ST3GAL6: variants seen among roughly 807,000 people sequenced by gnomAD.
The protein encoded by ST3GAL6 is ST3 beta-galactoside alpha-2,3-sialyltransferase 6, also known as type 2 lactosamine alpha-2,3-sialyltransferase.
ST3GAL6 carries 31 observed loss-of-function variants against 40.5 expected under a neutral mutation model. The ratio of observed to expected loss-of-function variants is 0.77; its 90% CI spans 0.58 to 1.03. ST3GAL6 has a LOEUF of 1.03. ST3GAL6 is among the 50% of genes least tolerant of loss of function. The probability of loss-of-function intolerance (pLI) is 0.00; values close to 1 mark genes in which losing one functional copy is unlikely to be tolerated. For missense variants in ST3GAL6, 357 were observed against 393.2 expected, an observed-to-expected ratio of 0.91 and a Z score of 0.78; for synonymous variants, 129 against 136.9, an observed-to-expected ratio of 0.94 and a Z score of 0.40.
At chr3:98,736,505 G>T (rs982275889) in intron 1 of ST3GAL6, among the ~76,000 whole-genome samples, 8 of 152,186 alleles carry the variant, frequency 5.3e-5, no homozygotes, top group African/African-American at 1.9e-4. Flanking sequence ...CCTTCCACAG[G>T]TTGTGGAAGC....
chr3:98,782,118 A>T (rs1207055649), intron 5 of ST3GAL6: 1 of 646,442 alleles, frequency 1.5e-6, no homozygotes, highest in Non-Finnish European at 2.8e-6. Context: ...CACAGCAGAG[A>T]GCCTTTGATA....
intron 1 of ST3GAL6, among the ~76,000 whole-genome samples, chr3:98,738,182 T>C (rs1389845153): frequency 1.3e-5 from 2 of 150,400 alleles, no homozygotes; most frequent in Non-Finnish European, 3.0e-5. Flanking sequence ...GTGAGTTTCC[T>C]GAGGCCTCCC....
intron 1 of ST3GAL6, among the ~76,000 whole-genome samples, chr3:98,745,960 TCAGA>T (rs1936510251): frequency 6.6e-6 from 1 of 152,198 alleles, no homozygotes; most frequent in African/African-American, 2.4e-5. Context: ...CTCTCTCGGC[TCAGA>T]CAGTCCTTAC....
chr3:98,774,205 C>G (rs1267954258), intron 5 of ST3GAL6, among the ~76,000 whole-genome samples: 1 of 152,186 alleles, frequency 6.6e-6, no homozygotes, highest in Non-Finnish European at 1.5e-5. Flanking sequence ...TGATGATGAT[C>G]AACACTGGTC....
chr3:98,791,704 TATA>T, intron 8 of ST3GAL6, 134 bp from the exon 9 acceptor site: 2 of 760,000 alleles, frequency 2.6e-6, no homozygotes, highest in Non-Finnish European at 4.3e-6. Flanking sequence ...GCTTGAGCCT[TATA>T]ATGAGAGTTT....
intron 5 of ST3GAL6, among the ~76,000 whole-genome samples, chr3:98,776,434 A>C (rs1176102251): frequency 6.6e-6 from 1 of 152,178 alleles, no homozygotes; most frequent in Non-Finnish European, 1.5e-5. Context: ...GAGAATTTAG[A>C]CTGCCTTTGG....
upstream of ST3GAL6, among the ~76,000 whole-genome samples, chr3:98,761,933 AG>A (rs928241313): frequency 3.3e-5 from 5 of 152,240 alleles, no homozygotes; most frequent in African/African-American, 1.2e-4. Context: ...GTGCTATTAA[AG>A]AAGAAAATTC....
rs1343181506 is a variant in ST3GAL6, at chr3:98,788,359, A to G, written c.652A>G (p.Asn218Asp). 6.2e-7 allele frequency: 1 copy of G among 1,613,282 alleles called. No individual in the cohort carries two copies. Among genetic ancestry groups the G allele is most frequent in the Non-Finnish European group, 8.5e-7 (1 of 1,179,718 alleles). Residue 218 changes from asparagine to aspartate, a missense_variant, in exon 8 of 10, where the codon AAC becomes GAC. Asn to Asp is a conservative substitution (Grantham distance 23). Transcript: ENST00000483910. ...TNGFWKKPALNLIYKPYQIRI... is the reference protein window; with the variant it reads ...TNGFWKKPALDLIYKPYQIRI... ...TGGTTTTTGGAAGAAACCAGCCTTA[A>G]ACCTGATTTATAAACCTTATCAAAT...
At chr3:98,755,811 T>A (rs75144171) in intron 1 of ST3GAL6, among the ~76,000 whole-genome samples, 2,979 of 94,658 alleles carry the variant, frequency 0.031, 98 homozygotes, top group African/African-American at 0.1. Context: ...ATTTTTTTCA[T>A]TTTTTTTTTT....
chr3:98,792,098 G>A (rs1186232873), intron 9 of ST3GAL6, 105 bp downstream of exon 9: 9 of 1,130,670 alleles, frequency 8.0e-6, no homozygotes, highest in African/African-American at 1.6e-5. Context: ...GAGGGACCAC[G>A]TTTTGAAGGG....
upstream of ST3GAL6, among the ~76,000 whole-genome samples, chr3:98,759,124 T>A (rs1186899283): frequency 6.6e-6 from 1 of 152,182 alleles, no homozygotes; most frequent in African/African-American, 2.4e-5. Context: ...CCAGGCAAAG[T>A]GACAAGATGA....
intron 3 of ST3GAL6, among the ~76,000 whole-genome samples, chr3:98,771,747 A>G (rs976302588): frequency 7.9e-5 from 12 of 152,296 alleles, no homozygotes; most frequent in Non-Finnish European, 1.8e-4. Context: ...ACTTTTTCGT[A>G]TATGATTCCA....
intron 5 of ST3GAL6, chr3:98,783,647 T>A: frequency 8.1e-6 from 8 of 985,356 alleles, no homozygotes; most frequent in Non-Finnish European, 9.6e-6. Flanking sequence ...TGACATGAGA[T>A]GTGTCCACAA....
At chr3:98,771,489 C>T (rs1232504169) in intron 3 of ST3GAL6, among the ~76,000 whole-genome samples, 1 of 152,168 alleles carries the variant, frequency 6.6e-6, no homozygotes. Context: ...TTTCCTCCAT[C>T]ACTTTGACTT....
intron 1 of ST3GAL6, among the ~76,000 whole-genome samples, chr3:98,745,268 A>T (rs1245210243): frequency 6.6e-6 from 1 of 152,148 alleles, no homozygotes; most frequent in African/African-American, 2.4e-5. Flanking sequence ...TCCTGACCTC[A>T]GGTGATCCAC....
Position 98,795,586 on chromosome 3 carries a change from C to T in ST3GAL6, c.*1825C>T, listed in dbSNP as rs1033294368. The T allele has an allele frequency of 2.0e-5, 3 of 152,060 alleles. No homozygotes were observed. Among genetic ancestry groups the T allele is most frequent in the Non-Finnish European group, 4.4e-5 (3 of 68,028 alleles). The allele number at this position is 152,060 out of a possible 1,614,324, so 9.4% of individuals were successfully genotyped here. A position where few individuals can be genotyped will look rare whatever the true frequency, so the allele number is the denominator to read the frequency against. Reference sequence around the variant, plus strand: ...GAAGTTCAATTGATATAAAGTAAATCAGGCTTCAAAAAGAATGGTGCTGTG... The same window carrying T: ...GAAGTTCAATTGATATAAAGTAAATTAGGCTTCAAAAAGAATGGTGCTGTG... On this transcript the variant is annotated 3_prime_UTR_variant, in exon 10 of 10. Transcript: ENST00000483910.
chr3:98,747,789 A>G (rs1283400452), intron 1 of ST3GAL6, among the ~76,000 whole-genome samples: 1 of 152,334 alleles, frequency 6.6e-6, no homozygotes, highest in Non-Finnish European at 1.5e-5. Context: ...ACAATATCAT[A>G]TACTCTATAA....
At chr3:98,777,549 C>T (rs1474034296) in intron 5 of ST3GAL6, among the ~76,000 whole-genome samples, 8 of 152,176 alleles carry the variant, frequency 5.3e-5, no homozygotes, top group African/African-American at 1.9e-4. Flanking sequence ...ACTGTGTGCT[C>T]ACCTTTAAAA....
chr3:98,780,007 T>G (rs916525349), intron 5 of ST3GAL6, among the ~76,000 whole-genome samples: 3 of 152,162 alleles, frequency 2.0e-5, no homozygotes, highest in African/African-American at 7.2e-5. Flanking sequence ...GAAAGTTATG[T>G]TAATTAAATA....
Sources: gnomAD v4.1 joint callset for allele counts (sites outside exome capture counted in the v4.1 genomes callset) on GRCh38, gnomAD v4.1.1 for gene constraint, MANE v1.5 for transcripts, NCBI Gene and HGNC (gene_info 2026-07-23, HGNC 2026-07-21) for gene names.